KCNG3: variants seen among roughly 807,000 people sequenced by gnomAD.
KCNG3 encodes potassium voltage-gated channel modifier subfamily G member 3.
A neutral mutation model predicts 29.0 loss-of-function variants in KCNG3; 15 were observed. The ratio of observed to expected loss-of-function variants is 0.52; its 90% CI spans 0.35 to 0.80. KCNG3 has a LOEUF of 0.80. KCNG3 is among the 30% of genes least tolerant of loss of function. The pLI is 0.01. For synonymous variants in KCNG3, 322 were observed against 248.9 expected (o/e 1.29, Z -2.76); for missense variants, 512 against 605.7 (o/e 0.85, Z 1.62).
At chr2:42,397,845 T>C in the KCNG3 span, among the ~76,000 whole-genome samples, 5 of 152,236 alleles carry the variant, frequency 3.3e-5, no homozygotes, top group African/African-American at 4.8e-5. Context: ...CTGGCATTTG[T>C]ATGGCCCTTT....
chr2:42,412,375 G>C, the KCNG3 span, among the ~76,000 whole-genome samples: 1 of 152,160 alleles, frequency 6.6e-6, no homozygotes, highest in African/African-American at 2.4e-5. Context: ...AATTCTTGGA[G>C]TGACTTTGGT....
At chr2:42,487,147 ACT>A (rs1312143419) in intron 1 of KCNG3, among the ~76,000 whole-genome samples, 14 of 128,536 alleles carry the variant, frequency 1.1e-4, no homozygotes, top group African/African-American at 3.5e-4. Flanking sequence ...ACAGAGCAAG[ACT>A]CTGTCTCAAA....
chr2:42,403,716 C>T, the KCNG3 span, among the ~76,000 whole-genome samples: 2 of 150,036 alleles, frequency 1.3e-5, no homozygotes, highest in Non-Finnish European at 3.0e-5. Flanking sequence ...CTACCTGCCT[C>T]GGCCTCCCAA....
chr2:42,414,463 T>C, the KCNG3 span, among the ~76,000 whole-genome samples: 2 of 152,216 alleles, frequency 1.3e-5, no homozygotes, highest in Non-Finnish European at 2.9e-5. Context: ...GTAGATAATC[T>C]GTCTTTACCT....
intron 1 of KCNG3, among the ~76,000 whole-genome samples, chr2:42,466,664 T>C (rs946284064): frequency 2.0e-5 from 3 of 152,020 alleles, no homozygotes; most frequent in South Asian, 2.1e-4. Context: ...CTGTGTACTG[T>C]TGGTGGGAGT....
chr2:42,428,458 G>GAAAAAAAAAAAAAAAAAAAAAAAA, the KCNG3 span, among the ~76,000 whole-genome samples: 2 of 104,530 alleles, frequency 1.9e-5, 1 homozygote, highest in African/African-American at 8.1e-5. Context: ...CCCGGTCTCG[G>GAAAAAAAAAAAAAAAAAAAAAAAA]GAAAAAAAAA....
At chr2:42,431,094 G>A in the KCNG3 span, among the ~76,000 whole-genome samples, 2 of 144,758 alleles carry the variant, frequency 1.4e-5, no homozygotes, top group African/African-American at 2.5e-5. Flanking sequence ...CAGACAAAGC[G>A]AGACCCTGTC....
At chr2:42,388,699 T>G in the KCNG3 span, 3 of 152,138 alleles carry the variant, frequency 2.0e-5, no homozygotes, top group Non-Finnish European at 4.4e-5. Context: ...CCTTAATTAC[T>G]TCCTAAGAGC....
chr2:42,492,644 C>T (rs901889141), intron 1 of KCNG3, among the ~76,000 whole-genome samples, 193 bp downstream of exon 1: 19 of 152,244 alleles, frequency 1.2e-4, no homozygotes, highest in African/African-American at 4.3e-4. Flanking sequence ...GGGCCAGACC[C>T]CGCTGGTGCC....
chr2:42,435,589 T>A, the KCNG3 span, among the ~76,000 whole-genome samples: 3 of 152,184 alleles, frequency 2.0e-5, no homozygotes, highest in Non-Finnish European at 4.4e-5. Context: ...AAAAACCTAT[T>A]TTTTTAAGGG....
At chr2:42,482,917 T>A (rs1673625888) in intron 1 of KCNG3, among the ~76,000 whole-genome samples, 1 of 151,972 alleles carries the variant, frequency 6.6e-6, no homozygotes, top group African/African-American at 2.4e-5. Flanking sequence ...GTCCAGGAGT[T>A]CAAGACCAGC....
intron 1 of KCNG3, among the ~76,000 whole-genome samples, chr2:42,450,493 TG>T (rs1223071399): frequency 1.3e-5 from 2 of 152,164 alleles, no homozygotes; most frequent in African/African-American, 2.4e-5. Context: ...AGCAAACAAT[TG>T]GGTATTCCCG....
intron 1 of KCNG3, among the ~76,000 whole-genome samples, chr2:42,453,656 G>C (rs1672815386): frequency 6.6e-6 from 1 of 152,008 alleles, no homozygotes; most frequent in African/African-American, 2.4e-5. Context: ...CATTCTGTGG[G>C]TTGTCTCTTC....
chr2:42,438,070 C>T (rs1672404985), downstream of KCNG3, among the ~76,000 whole-genome samples: 1 of 151,920 alleles, frequency 6.6e-6, no homozygotes, highest in Non-Finnish European at 1.5e-5. Context: ...ATCTTGCCCT[C>T]TATATTGTAG....
chr2:42,452,478 A>AT (rs555324738), intron 1 of KCNG3, among the ~76,000 whole-genome samples: 23 of 147,892 alleles, frequency 1.6e-4, no homozygotes, highest in South Asian at 8.7e-4. Context: ...CTTTCTAACT[A>AT]TTTTTTTTTT....
intron 1 of KCNG3, among the ~76,000 whole-genome samples, chr2:42,477,388 T>TATACACACAC (rs1287875177): frequency 1.3e-4 from 14 of 104,786 alleles, no homozygotes; most frequent in African/African-American, 5.1e-4. Flanking sequence ...CACATATATA[T>TATACACACAC]ACACACACAC....
chr2:42,475,205 G>A (rs1673392876), intron 1 of KCNG3, among the ~76,000 whole-genome samples: 1 of 152,086 alleles, frequency 6.6e-6, no homozygotes, highest in African/African-American at 2.4e-5. Context: ...GTGCAGTGTA[G>A]TCCCAGCTAC....
At chr2:42,398,312 C>G in the KCNG3 span, among the ~76,000 whole-genome samples, 3 of 150,362 alleles carry the variant, frequency 2.0e-5, no homozygotes, top group African/African-American at 7.3e-5. Flanking sequence ...AGAATTGGAC[C>G]CTGAGATCAG....
At chr2:42,484,608 A>T (rs1365610420) in intron 1 of KCNG3, among the ~76,000 whole-genome samples, 1 of 152,264 alleles carries the variant, frequency 6.6e-6, no homozygotes, top group Non-Finnish European at 1.5e-5. Context: ...AGTTTCTCGA[A>T]GAATACCCAG....
Sources: allele counts gnomAD v4.1 joint callset (sites outside exome capture counted in the v4.1 genomes callset), GRCh38; gene constraint gnomAD v4.1.1; transcripts MANE v1.5; gene names NCBI Gene and HGNC (gene_info 2026-07-23, HGNC 2026-07-21).